HPSE2: variants seen among roughly 807,000 people sequenced by gnomAD.
HPSE2 encodes the protein heparanase 2 (inactive), also known as inactive heparanase-2.
In HPSE2, 38 loss-of-function variants were observed where a neutral mutation model predicts 60.5. That is an observed-to-expected ratio of 0.63 (90% CI 0.48 to 0.82). HPSE2 has a LOEUF of 0.82. Among genes scored for constraint, HPSE2 ranks in the 40% least tolerant of loss-of-function variants. The pLI is 0.00. For missense variants in HPSE2, 713 were observed against 740.4 expected, an observed-to-expected ratio of 0.96 and a Z score of 0.43; for synonymous variants, 295 against 293.2, an observed-to-expected ratio of 1.01 and a Z score of -0.06.
At chr10:99,255,662 C>A in the HPSE2 span, among the ~76,000 whole-genome samples, 2 of 151,648 alleles carry the variant, frequency 1.3e-5, no homozygotes, top group Non-Finnish European at 1.5e-5. Flanking sequence ...AAACTCTCAA[C>A]AAAATGAGAA....
At chr10:99,173,921 C>G (rs575393752) in intron 2 of HPSE2, among the ~76,000 whole-genome samples, 15 of 120,870 alleles carry the variant, frequency 1.2e-4, no homozygotes, top group African/African-American at 4.7e-4. Context: ...CCAGCCTGAG[C>G]AACAAGAGCG....
intron 7 of HPSE2, among the ~76,000 whole-genome samples, chr10:98,639,674 G>A (rs1221775094): frequency 6.6e-6 from 1 of 152,194 alleles, no homozygotes; most frequent in African/African-American, 2.4e-5. Flanking sequence ...TTTTCAAACT[G>A]GTTTATATGG....
At chr10:99,044,820 T>C (rs915703441) in intron 3 of HPSE2, among the ~76,000 whole-genome samples, 1 of 152,140 alleles carries the variant, frequency 6.6e-6, no homozygotes, top group African/African-American at 2.4e-5. Flanking sequence ...GACTTAACTA[T>C]CCTAAAATAT....
At chr10:98,833,894 C>T (rs977267506) in intron 3 of HPSE2, among the ~76,000 whole-genome samples, 1 of 151,962 alleles carries the variant, frequency 6.6e-6, no homozygotes. Context: ...GATGACATAA[C>T]AAAATGAAGG....
chr10:99,155,402 T>C (rs1439531531), intron 2 of HPSE2, among the ~76,000 whole-genome samples: 2 of 148,124 alleles, frequency 1.4e-5, no homozygotes, highest in African/African-American at 4.9e-5. Flanking sequence ...TAACAAACTA[T>C]CTCTCAGACC....
chr10:98,677,226 A>G (rs184008151), intron 6 of HPSE2, among the ~76,000 whole-genome samples: 1 of 152,334 alleles, frequency 6.6e-6, no homozygotes, highest in East Asian at 1.9e-4. Flanking sequence ...CATAACATCT[A>G]TCACAGTGCC....
Position 99,193,535 on chromosome 10 carries a change from A to G in HPSE2, c.448+38813T>C, listed in dbSNP as rs1848292979. 2.6e-5 allele frequency among the ~76,000 whole-genome samples: 4 copies of G among 152,134 alleles called. No homozygotes were observed. In the South Asian group the frequency reaches 6.2e-4, roughly 24 times the overall value. ...AAGACCCAGTGATCGGCTGCCTACA[A>G]AAAACACACTTCACCTATAAAGACA... On this transcript the variant is annotated intron_variant, in intron 2 of 11. Transcript: ENST00000370552.
At chr10:98,943,099 G>A (rs982405193) in intron 3 of HPSE2, among the ~76,000 whole-genome samples, 2 of 101,604 alleles carry the variant, frequency 2.0e-5, no homozygotes, top group African/African-American at 3.8e-5. Context: ...GGGGAGGGGG[G>A]AGGGATGGCA....
At chr10:99,257,489 T>TA in the HPSE2 span, among the ~76,000 whole-genome samples, 1 of 152,160 alleles carries the variant, frequency 6.6e-6, no homozygotes, top group African/African-American at 2.4e-5. Flanking sequence ...AGGGATGAAA[T>TA]AAGCCCCAGT....
At chr10:99,134,149 T>C (rs757033269) in intron 3 of HPSE2, among the ~76,000 whole-genome samples, 2 of 151,526 alleles carry the variant, frequency 1.3e-5, no homozygotes, top group Non-Finnish European at 3.0e-5. Context: ...CTTAATGAAA[T>C]AGAGAAGACA....
intron 3 of HPSE2, among the ~76,000 whole-genome samples, chr10:99,080,491 T>G (rs1323370123): frequency 6.6e-6 from 1 of 152,218 alleles, no homozygotes. Context: ...CCTCGAACCT[T>G]GTAGTCTTAG....
intron 5 of HPSE2, among the ~76,000 whole-genome samples, chr10:98,711,163 C>T (rs1441145645): frequency 6.6e-6 from 1 of 152,052 alleles, no homozygotes; most frequent in Non-Finnish European, 1.5e-5. Context: ...TCATGATACA[C>T]ACCCCTTGAC....
chr10:98,920,442 A>G (rs1223492877), intron 3 of HPSE2, among the ~76,000 whole-genome samples: 1 of 152,186 alleles, frequency 6.6e-6, no homozygotes, highest in Non-Finnish European at 1.5e-5. Flanking sequence ...CTGCTCCTCA[A>G]AGGACCTTAA....
At chr10:99,038,504 G>A (rs1957661184) in intron 3 of HPSE2, among the ~76,000 whole-genome samples, 1 of 152,114 alleles carries the variant, frequency 6.6e-6, no homozygotes, top group Non-Finnish European at 1.5e-5. Context: ...TGTTGCCAGG[G>A]TTTAGGAATT....
At chr10:98,947,800 A>G (rs958516866) in intron 3 of HPSE2, among the ~76,000 whole-genome samples, 1 of 152,146 alleles carries the variant, frequency 6.6e-6, no homozygotes, top group African/African-American at 2.4e-5. Context: ...GTTGTACAAT[A>G]AGAAGGCCTG....
chr10:98,663,538 G>A (rs779383246), intron 6 of HPSE2, among the ~76,000 whole-genome samples: 1 of 152,152 alleles, frequency 6.6e-6, no homozygotes, highest in Admixed American at 6.5e-5. Flanking sequence ...GGAGCAAGGG[G>A]ACACAGGAAG....
intron 6 of HPSE2, among the ~76,000 whole-genome samples, chr10:98,689,330 A>C (rs1022268130): frequency 6.6e-6 from 1 of 152,114 alleles, no homozygotes; most frequent in Non-Finnish European, 1.5e-5. Flanking sequence ...TCTGTTGCTC[A>C]GTATGCAAGT....
intron 3 of HPSE2, among the ~76,000 whole-genome samples, chr10:98,908,400 G>A (rs188637488): frequency 1.2e-4 from 18 of 152,136 alleles, no homozygotes; most frequent in African/African-American, 3.1e-4. Context: ...ATGGTATATG[G>A]AGGCTGGGCG....
intron 9 of HPSE2, among the ~76,000 whole-genome samples, chr10:98,588,368 G>A (rs536017156): frequency 6.6e-6 from 1 of 152,248 alleles, no homozygotes; most frequent in African/African-American, 2.4e-5. Flanking sequence ...TGAAAGACAG[G>A]CATGCAAGTG....
Sources: gnomAD v4.1 joint callset for allele counts (sites outside exome capture counted in the v4.1 genomes callset) on GRCh38, gnomAD v4.1.1 for gene constraint, MANE v1.5 for transcripts, NCBI Gene and HGNC (gene_info 2026-07-23, HGNC 2026-07-21) for gene names.